EPHA5: variants seen among roughly 807,000 people sequenced by gnomAD.
EPHA5 encodes EPH receptor A5.
A neutral mutation model predicts 105.0 loss-of-function variants in EPHA5; 60 were observed. The ratio of observed to expected loss-of-function variants is 0.57; its 90% CI spans 0.46 to 0.71. The LOEUF (loss-of-function observed/expected upper bound fraction) is 0.71, where lower values mean the gene tolerates loss of function less well. EPHA5 is among the 30% of genes least tolerant of loss of function. EPHA5 has a pLI of 0.00. For synonymous variants in EPHA5, 513 were observed against 449.1 expected (o/e 1.14, Z -1.80); for missense variants, 1,218 against 1,274.7 (o/e 0.96, Z 0.68).
chr4:65,591,905 G>C (rs773208316), intron 3 of EPHA5, among the ~76,000 whole-genome samples: 2 of 151,900 alleles, frequency 1.3e-5, no homozygotes, highest in Admixed American at 6.6e-5. Flanking sequence ...TAAATGAAAC[G>C]TATCTTTTAA....
intron 3 of EPHA5, among the ~76,000 whole-genome samples, chr4:65,501,927 A>C (rs1304136412): frequency 6.6e-6 from 1 of 151,760 alleles, no homozygotes; most frequent in Non-Finnish European, 1.5e-5. Flanking sequence ...GGAACATAAT[A>C]GAGAATCCAG....
At chr4:65,413,894 G>C (rs74491143) in intron 7 of EPHA5, among the ~76,000 whole-genome samples, 4,645 of 152,190 alleles carry the variant, frequency 0.031, 230 homozygotes, top group African/African-American at 0.1. Context: ...CAAACTCACT[G>C]CTAAAGAAAG....
rs967805563 is a variant in EPHA5, at chr4:65,601,553, G to A, written c.910+88C>T. The A allele has an allele frequency of 2.4e-5, 30 of 1,256,010 alleles. No homozygotes were observed. In the Admixed American group the frequency reaches 6.0e-4, roughly 25 times the overall value. The allele number at this position is 1,256,010 out of a possible 1,614,324, so 77.8% of individuals were successfully genotyped here. On this transcript the variant is annotated intron_variant, in intron 3 of 16. Transcript: ENST00000613740. ...TCTCCATAAATTAGCAAAGTAAAAGGTCATTTCCTCATAATCATTGGAGGA... is the reference window on the plus strand; with the variant it reads ...TCTCCATAAATTAGCAAAGTAAAAGATCATTTCCTCATAATCATTGGAGGA...
intron 8 of EPHA5, among the ~76,000 whole-genome samples, chr4:65,372,234 C>T (rs1718547009): frequency 6.6e-6 from 1 of 151,882 alleles, no homozygotes; most frequent in Non-Finnish European, 1.5e-5. Flanking sequence ...TTGAATTTTT[C>T]ACTTCGGGAT....
chr4:65,388,507 A>G (rs1214286130), intron 8 of EPHA5, among the ~76,000 whole-genome samples: 1 of 151,168 alleles, frequency 6.6e-6, no homozygotes, highest in African/African-American at 2.4e-5. Flanking sequence ...AATGATTGCC[A>G]TTCTAACTGT....
intron 3 of EPHA5, among the ~76,000 whole-genome samples, chr4:65,537,494 A>C (rs934596805): frequency 2.6e-5 from 4 of 151,800 alleles, no homozygotes; most frequent in Non-Finnish European, 5.9e-5. Flanking sequence ...AAATGTCCCA[A>C]AGTAAATATC....
At chr4:65,568,397 A>G (rs1368622249) in intron 3 of EPHA5, among the ~76,000 whole-genome samples, 1 of 151,492 alleles carries the variant, frequency 6.6e-6, no homozygotes, top group Admixed American at 6.6e-5. Context: ...GTCCTGTGAT[A>G]TAAAAAAATT....
intron 2 of EPHA5, among the ~76,000 whole-genome samples, chr4:65,634,991 C>T (rs1184100805): frequency 2.6e-5 from 4 of 151,992 alleles, no homozygotes. Flanking sequence ...CAAACACAAA[C>T]ATGCACACTA....
intron 7 of EPHA5, 151 bp downstream of exon 7, chr4:65,414,133 A>C (rs2149017557): frequency 1.5e-6 from 1 of 682,428 alleles, no homozygotes; most frequent in East Asian, 2.7e-5. Flanking sequence ...CCATAATAGC[A>C]TGACAGATGC....
chr4:65,616,462 G>C (rs985992690), intron 2 of EPHA5, among the ~76,000 whole-genome samples: 14 of 150,996 alleles, frequency 9.3e-5, no homozygotes, highest in Non-Finnish European at 5.9e-5. Context: ...CACAGAGAGA[G>C]AGAGAGAGAG....
At position 65,494,116 on chromosome 4, in the gene EPHA5, G is replaced by A. The variant is rs78759950; in HGVS notation, c.1066+1272C>T. 5.9e-5 allele frequency among the ~76,000 whole-genome samples: 9 copies of A among 152,192 alleles called. No homozygotes were observed. In the East Asian group the frequency reaches 9.7e-4, roughly 16 times the overall value. ...AAAATTGCATTTATTCATTTGAAGA[G>A]GAAATTATTTTTCACTAGTAATCAT... is the stretch of plus-strand genomic sequence containing the variant. On this transcript the variant is annotated intron_variant, in intron 4 of 16. Transcript: ENST00000613740.
intron 3 of EPHA5, among the ~76,000 whole-genome samples, chr4:65,529,070 T>C (rs1238139605): frequency 6.6e-6 from 1 of 152,144 alleles, no homozygotes; most frequent in African/African-American, 2.4e-5. Context: ...TCTCACAGTT[T>C]CAAAAATTGG....
At chr4:65,640,983 G>GA (rs1230653327) in intron 2 of EPHA5, among the ~76,000 whole-genome samples, 1 of 152,096 alleles carries the variant, frequency 6.6e-6, no homozygotes, top group Non-Finnish European at 1.5e-5. Flanking sequence ...TCACACAGAA[G>GA]AAAAATCAGA....
At chr4:65,501,780 G>C (rs540940466) in intron 3 of EPHA5, among the ~76,000 whole-genome samples, 3 of 149,654 alleles carry the variant, frequency 2.0e-5, no homozygotes, top group African/African-American at 7.3e-5. Flanking sequence ...AACAAAATGC[G>C]CCCAAATAGC....
At chr4:65,540,886 C>T (rs1736765166) in intron 3 of EPHA5, among the ~76,000 whole-genome samples, 1 of 148,206 alleles carries the variant, frequency 6.7e-6, no homozygotes, top group Non-Finnish European at 1.5e-5. Context: ...AAACAAAAAT[C>T]ATTTCTGAAG....
intron 14 of EPHA5, among the ~76,000 whole-genome samples, chr4:65,337,685 T>C (rs1721315550): frequency 6.6e-6 from 1 of 151,886 alleles, no homozygotes; most frequent in African/African-American, 2.4e-5. Context: ...TTGAAGTGAG[T>C]AGAGAATACC....
intron 2 of EPHA5, among the ~76,000 whole-genome samples, chr4:65,625,234 G>A (rs1237629913): frequency 6.6e-6 from 1 of 152,068 alleles, no homozygotes; most frequent in Non-Finnish European, 1.5e-5. Flanking sequence ...ATAATAGACT[G>A]AGATAATAGA....
At chr4:65,493,572 A>T (rs945776468) in intron 4 of EPHA5, among the ~76,000 whole-genome samples, 2 of 152,158 alleles carry the variant, frequency 1.3e-5, no homozygotes, top group African/African-American at 2.4e-5. Flanking sequence ...TATTAGAAAG[A>T]TCTTATACAT....
In EPHA5 at chr4:65,601,966, C is replaced by T. The variant is rs754263839; in HGVS notation, c.585G>A (p.Leu195=). ...ELDLGDRVMK[L]NTEVRDVGPL... ...GTCCTACATCTCTGACCTCTGTATT[C>T]AGTTTCATAACACGGTCACCAAGAT... The change falls in exon 3 of 17, where the codon CTG becomes CTA. Residue 195 remains leucine, a synonymous_variant. Transcript: ENST00000613740. The T allele has an allele frequency of 6.2e-7, 1 of 1,614,140 alleles. No individual in the cohort carries two copies. Among genetic ancestry groups the T allele is most frequent in the Non-Finnish European group, 8.5e-7 (1 of 1,180,006 alleles).
Sources: allele counts gnomAD v4.1 joint callset (sites outside exome capture counted in the v4.1 genomes callset), GRCh38; gene constraint gnomAD v4.1.1; transcripts MANE v1.5; gene names NCBI Gene and HGNC (gene_info 2026-07-23, HGNC 2026-07-21).